The following ZDHHC7 variants were observed in gnomAD, a reference collection of about 807,000 sequenced individuals.
ZDHHC7 encodes zDHHC palmitoyltransferase 7.
In ZDHHC7, 12 loss-of-function variants were observed where a neutral mutation model predicts 34.1. That is an observed-to-expected ratio of 0.35 (90% CI 0.23 to 0.57). The LOEUF (loss-of-function observed/expected upper bound fraction) is 0.57, where lower values mean the gene tolerates loss of function less well. Among genes scored for constraint, ZDHHC7 ranks in the 20% least tolerant of loss-of-function variants. The probability of loss-of-function intolerance (pLI) is 0.84; values close to 1 mark genes in which losing one functional copy is unlikely to be tolerated. For synonymous variants in ZDHHC7, 185 were observed against 155.4 expected, an observed-to-expected ratio of 1.19 and a Z score of -1.42; for missense variants, 388 against 402.7, an observed-to-expected ratio of 0.96 and a Z score of 0.31.
In ZDHHC7 at chr16:84,988,567, C is replaced by T. The variant is rs151000478; in HGVS notation, c.315+1737G>A. The stretch of plus-strand genomic sequence containing the variant: ...ACCTTCTACCCTGACTTCCTGGCCG[C>T]CTCCAGCTCTCCAGGCTTCTGGGGC... On this transcript the variant is annotated intron_variant, in intron 3 of 7. Coordinates refer to ENST00000313732, the MANE Select transcript of ZDHHC7 (RefSeq NM_017740.3). 8.4e-4 allele frequency among the ~76,000 whole-genome samples: 128 copies of T among 152,326 alleles called. 1 individual carries two copies. The East Asian group carries it at 0.023, about 27-fold the overall frequency.
the ZDHHC7 span, among the ~76,000 whole-genome samples, chr16:85,023,365 G>C: frequency 2.0e-5 from 3 of 151,872 alleles, no homozygotes; most frequent in Admixed American, 1.3e-4. Context: ...GGGTTTCACC[G>C]TGTTGGCCAG....
intron 5 of ZDHHC7, among the ~76,000 whole-genome samples, chr16:84,978,611 C>T (rs1300801532): frequency 6.6e-6 from 1 of 151,968 alleles, no homozygotes; most frequent in Non-Finnish European, 1.5e-5. Context: ...GACTGTAATC[C>T]TAGCACTTTG....
chr16:84,979,492 C>A (rs1182126951), intron 4 of ZDHHC7, among the ~76,000 whole-genome samples: 1 of 152,050 alleles, frequency 6.6e-6, no homozygotes, highest in Non-Finnish European at 1.5e-5. Flanking sequence ...CTCAATGGAC[C>A]AACAGCTTGG....
the ZDHHC7 span, among the ~76,000 whole-genome samples, chr16:85,023,218 G>C: frequency 6.7e-6 from 1 of 149,936 alleles, no homozygotes; most frequent in Admixed American, 6.7e-5. Flanking sequence ...CCAGGCTGGA[G>C]TGCAGTGGCG....
chr16:84,976,149 T>C lies in ZDHHC7; in HGVS notation c.*194A>G, dbSNP rs2072293890. On this transcript the variant is annotated 3_prime_UTR_variant, in exon 8 of 8. Coordinates refer to ENST00000313732, the MANE Select transcript of ZDHHC7 (RefSeq NM_017740.3). ...GTGTGGCCACACACCTTTCCGTTGT[T>C]GTACAGGTGGGGACTGAGAGCCTCT... The C allele has an allele frequency of 5.8e-6, 4 of 684,830 alleles. No individual in the cohort carries two copies. The highest frequency in any genetic ancestry group is 2.4e-6 in the Non-Finnish European group (1 of 424,188). The allele number at this position is 684,830 out of a possible 1,614,324, so 42.4% of individuals were successfully genotyped here.
At chr16:84,994,047 G>A (rs2072543758) in intron 2 of ZDHHC7, among the ~76,000 whole-genome samples, 1 of 152,192 alleles carries the variant, frequency 6.6e-6, no homozygotes. Flanking sequence ...AAGTTTCTCT[G>A]CCTCCGCTGA....
chr16:84,974,980 T>C lies in ZDHHC7; in HGVS notation c.*1363A>G, dbSNP rs1257913914. On this transcript the variant is annotated 3_prime_UTR_variant, in exon 8 of 8. Transcript: ENST00000313732. ...GGAGGGAGACGCCAACTTCTCTTAG[T>C]GTGGAGGGCAAGCATAAAGGAAGAC... is the stretch of plus-strand genomic sequence containing the variant. The C allele has an allele frequency of 1.3e-5, 2 of 152,660 alleles. No individual in the cohort carries two copies. Among genetic ancestry groups the C allele is most frequent in the Non-Finnish European group, 2.9e-5 (2 of 68,076 alleles). The allele number at this position is 152,660 out of a possible 1,614,324, so 9.5% of individuals were successfully genotyped here.
upstream of ZDHHC7, among the ~76,000 whole-genome samples, chr16:85,016,060 C>A (rs188650446): frequency 1.1e-4 from 17 of 152,254 alleles, no homozygotes; most frequent in Admixed American, 2.0e-4. Context: ...TTTCCACCCC[C>A]CCAACCACGT....
chr16:85,019,488 C>T, the ZDHHC7 span, among the ~76,000 whole-genome samples: 18 of 152,056 alleles, frequency 1.2e-4, no homozygotes, highest in Admixed American at 6.6e-5. Context: ...GAGGCTGAGG[C>T]GGGCAGATCA....
At chr16:84,980,251 C>G (rs1034947286) in intron 4 of ZDHHC7, among the ~76,000 whole-genome samples, 2 of 151,388 alleles carry the variant, frequency 1.3e-5, no homozygotes, top group East Asian at 3.9e-4. Context: ...AGGCGTGAGC[C>G]ACCGCACCCG....
the ZDHHC7 span, among the ~76,000 whole-genome samples, chr16:85,018,988 G>C: frequency 6.6e-6 from 1 of 152,146 alleles, no homozygotes; most frequent in African/African-American, 2.4e-5. Flanking sequence ...TTTTCTGCAG[G>C]CCACCTCACC....
At chr16:84,984,023 T>C (rs2072405223) in intron 3 of ZDHHC7, among the ~76,000 whole-genome samples, 1 of 151,532 alleles carries the variant, frequency 6.6e-6, no homozygotes, top group Non-Finnish European at 1.5e-5. Context: ...TCTTTTTTTT[T>C]TTTTTCTTTT....
At chr16:85,021,059 C>T in the ZDHHC7 span, among the ~76,000 whole-genome samples, 1 of 151,504 alleles carries the variant, frequency 6.6e-6, no homozygotes, top group African/African-American at 2.4e-5. Flanking sequence ...AAGCCGTGAT[C>T]ACACCACTGC....
At chr16:85,003,703 T>C (rs1214284870) in intron 1 of ZDHHC7, among the ~76,000 whole-genome samples, 1 of 152,168 alleles carries the variant, frequency 6.6e-6, no homozygotes, top group African/African-American at 2.4e-5. Flanking sequence ...TTGCCTGACC[T>C]TTCTAGAAGG....
intron 3 of ZDHHC7, among the ~76,000 whole-genome samples, chr16:84,986,504 T>C (rs978499806): frequency 7.2e-5 from 11 of 152,164 alleles, no homozygotes; most frequent in East Asian, 1.9e-4. Context: ...GGGGCTGGCA[T>C]TGAAGACACA....
intron 3 of ZDHHC7, among the ~76,000 whole-genome samples, chr16:84,989,980 G>C (rs1165033277): frequency 6.6e-6 from 1 of 152,156 alleles, no homozygotes. Flanking sequence ...TGGCTGAGCT[G>C]CAAGATCTGT....
chr16:84,988,326 G>A (rs938121951), intron 3 of ZDHHC7, among the ~76,000 whole-genome samples: 1 of 152,102 alleles, frequency 6.6e-6, no homozygotes, highest in Non-Finnish European at 1.5e-5. Flanking sequence ...TCCTAAAACC[G>A]ACTGGGTGAT....
intron 2 of ZDHHC7, among the ~76,000 whole-genome samples, chr16:84,992,784 G>C (rs898854088): frequency 6.6e-6 from 1 of 152,150 alleles, no homozygotes; most frequent in African/African-American, 2.4e-5. Flanking sequence ...CAGAGGTCAG[G>C]TCACTACAAC....
chr16:85,013,686 TTTTTG>T (rs1359500279), upstream of ZDHHC7, among the ~76,000 whole-genome samples: 5 of 152,160 alleles, frequency 3.3e-5, no homozygotes, highest in Admixed American at 6.5e-5. Flanking sequence ...AATTTGTGTT[TTTTTG>T]TTTTGTTTTG....
Sources: gnomAD v4.1 joint callset for allele counts (sites outside exome capture counted in the v4.1 genomes callset) on GRCh38, gnomAD v4.1.1 for gene constraint, MANE v1.5 for transcripts, NCBI Gene and HGNC (gene_info 2026-07-23, HGNC 2026-07-21) for gene names.